Variants in PLA2G4E observed in about 807,000 individuals in gnomAD.
PLA2G4E encodes the protein cytosolic phospholipase A2 epsilon.
PLA2G4E carries 84 observed loss-of-function variants against 109.1 expected under a neutral mutation model. That is an observed-to-expected ratio of 0.77 (90% CI 0.65 to 0.92). The LOEUF (loss-of-function observed/expected upper bound fraction) is 0.92, where lower values mean the gene tolerates loss of function less well. Among genes scored for constraint, PLA2G4E ranks in the 40% least tolerant of loss-of-function variants. PLA2G4E has a pLI of 0.00. For synonymous variants in PLA2G4E, 469 were observed against 436.1 expected (o/e 1.08, Z -0.94); for missense variants, 1,057 against 1,076.6 (o/e 0.98, Z 0.25).
intron 2 of PLA2G4E, among the ~76,000 whole-genome samples, chr15:42,011,019 C>T (rs2068530327): frequency 6.6e-6 from 1 of 152,228 alleles, no homozygotes; most frequent in Admixed American, 6.5e-5. Context: ...TTAATCTAAC[C>T]CAGGCAAGGT....
At chr15:41,995,193 G>A (rs890381611) in intron 12 of PLA2G4E, among the ~76,000 whole-genome samples, 167 bp downstream of exon 12, 1 of 152,276 alleles carries the variant, frequency 6.6e-6, no homozygotes, top group Non-Finnish European at 1.5e-5. Flanking sequence ...GAGCCTCCAA[G>A]GAGTCAAGCT....
At chr15:41,999,597 A>C in intron 9 of PLA2G4E, 36 bp from the exon 10 acceptor site, 2 of 1,606,722 alleles carry the variant, frequency 1.2e-6, no homozygotes, top group African/African-American at 2.7e-5. Flanking sequence ...GTCAGAGGTG[A>C]CAATTCAGAG....
rs999090975 is a variant in PLA2G4E at position 41,984,367 on chromosome 15, C to T, written c.2386+69G>A. ...TTCCCCGTTAGTGCCCTTAGAGACT[C>T]TACAGATCTAAAGGCATTCCCGGGC... On this transcript the variant is annotated intron_variant, in intron 19 of 19. Transcript: ENST00000399518. The T allele has an allele frequency of 7.4e-6, 11 of 1,481,196 alleles. No individual in the cohort carries two copies. In the Admixed American group the frequency reaches 1.5e-4, roughly 20 times the overall value. The allele number at this position is 1,481,196 out of a possible 1,614,324, so 91.8% of individuals were successfully genotyped here.
intron 12 of PLA2G4E, among the ~76,000 whole-genome samples, chr15:41,993,614 C>T (rs960910029): frequency 2.6e-5 from 4 of 152,124 alleles, no homozygotes; most frequent in Non-Finnish European, 5.9e-5. Context: ...TGGGTCTGGC[C>T]TCAGTCTGCC....
At chr15:41,997,062 G>A in intron 11 of PLA2G4E, 62 bp downstream of exon 11, 1 of 1,464,994 alleles carries the variant, frequency 6.8e-7, no homozygotes, top group Non-Finnish European at 9.1e-7. Flanking sequence ...TGGGTTGGCT[G>A]GGAGGGCATG....
intron 5 of PLA2G4E, among the ~76,000 whole-genome samples, chr15:42,004,471 G>C (rs1486356911): frequency 6.6e-6 from 1 of 152,104 alleles, no homozygotes; most frequent in African/African-American, 2.4e-5. Context: ...GTGGGCCTGA[G>C]CCTCCCATTG....
intron 3 of PLA2G4E, among the ~76,000 whole-genome samples, chr15:42,007,498 A>C (rs1294124844): frequency 6.6e-6 from 1 of 152,126 alleles, no homozygotes; most frequent in African/African-American, 2.4e-5. Context: ...CAATTAGGAC[A>C]AGAGAGACCA....
At chr15:42,004,479 T>C (rs1236421779) in intron 5 of PLA2G4E, among the ~76,000 whole-genome samples, 6 of 152,002 alleles carry the variant, frequency 3.9e-5, no homozygotes, top group Non-Finnish European at 8.8e-5. Context: ...GAGCCTCCCA[T>C]TGACGTGGTT....
intron 1 of PLA2G4E, among the ~76,000 whole-genome samples, chr15:42,029,970 A>G (rs1471740788): frequency 6.6e-6 from 1 of 152,212 alleles, no homozygotes; most frequent in Non-Finnish European, 1.5e-5. Flanking sequence ...AGAGGTAAAA[A>G]TAAGCTGCTC....
At chr15:42,020,999 G>A (rs1470735792) in intron 1 of PLA2G4E, among the ~76,000 whole-genome samples, 1 of 151,802 alleles carries the variant, frequency 6.6e-6, no homozygotes, top group Non-Finnish European at 1.5e-5. Context: ...CAGGGAGTGG[G>A]AGACCCTGGC....
chr15:41,984,689 A>T, intron 18 of PLA2G4E, 70 bp from the exon 19 acceptor site: 1 of 1,360,776 alleles, frequency 7.3e-7, no homozygotes. Flanking sequence ...CAGAGTTCTT[A>T]GCCCCAGCTT....
chr15:42,025,977 C>G (rs1466769977), intron 1 of PLA2G4E, among the ~76,000 whole-genome samples: 3 of 152,038 alleles, frequency 2.0e-5, no homozygotes, highest in Non-Finnish European at 1.5e-5. Context: ...GAGGATCTTC[C>G]TAAACAAGGT....
In PLA2G4E at chr15:42,041,181, T is replaced by C. The variant is rs79465382; in HGVS notation, c.183+9340A>G. On this transcript the variant is annotated intron_variant, in intron 1 of 19. Coordinates refer to ENST00000399518, the Ensembl canonical transcript of PLA2G4E. The stretch of plus-strand genomic sequence containing the variant: ...CTCAGCAACTGTATTTCTAGGAATT[T>C]ATTTTACACAAACACTTGCTCAAAT... 5.4e-3 allele frequency among the ~76,000 whole-genome samples: 818 copies of C among 152,360 alleles called. 8 individuals carry two copies. In the South Asian group the frequency reaches 0.058, roughly 11 times the overall value.
intron 12 of PLA2G4E, among the ~76,000 whole-genome samples, chr15:41,994,304 G>GT (rs1016304147): frequency 1.1e-3 from 2 of 1,792 alleles, no homozygotes; most frequent in African/African-American, 2.9e-3. Context: ...TCTGCCCCCC[G>GT]GGGGGGTGTG....
intron 1 of PLA2G4E, among the ~76,000 whole-genome samples, chr15:42,025,528 C>A (rs371697101): frequency 1.3e-5 from 2 of 151,964 alleles, no homozygotes; most frequent in East Asian, 1.9e-4. Flanking sequence ...GCTTCCCTAT[C>A]TTAGTGCACC....
intron 1 of PLA2G4E, among the ~76,000 whole-genome samples, chr15:42,019,831 C>T (rs1474879523): frequency 6.6e-6 from 1 of 152,172 alleles, no homozygotes; most frequent in Non-Finnish European, 1.5e-5. Flanking sequence ...CAACATGGAC[C>T]CTCCAGGCCT....
intron 13 of PLA2G4E, among the ~76,000 whole-genome samples, chr15:41,990,747 T>C (rs72726056): frequency 0.12 from 597 of 5,180 alleles, 35 homozygotes; most frequent in South Asian, 0.22. Context: ...TTCCCTTCTT[T>C]TTTTTTTTTT....
chr15:42,008,211 C>T (rs1236891183), intron 2 of PLA2G4E, among the ~76,000 whole-genome samples: 1 of 152,246 alleles, frequency 6.6e-6, no homozygotes, highest in Non-Finnish European at 1.5e-5. Context: ...GAAGACCAGT[C>T]CCCAAGGGTC....
chr15:42,032,582 G>A (rs1236900960), intron 1 of PLA2G4E, among the ~76,000 whole-genome samples: 42 of 152,230 alleles, frequency 2.8e-4, no homozygotes, highest in Non-Finnish European at 2.5e-4. Flanking sequence ...CGGGTGGGGA[G>A]ACTTCTGTAT....
Sources: allele counts gnomAD v4.1 joint callset (sites outside exome capture counted in the v4.1 genomes callset), GRCh38; gene constraint gnomAD v4.1.1; transcripts MANE v1.5; gene names NCBI Gene and HGNC (gene_info 2026-07-23, HGNC 2026-07-21).